TMEM114: variants seen among roughly 807,000 people sequenced by gnomAD.
TMEM114 encodes claudin-26.
TMEM114 carries 6 observed loss-of-function variants against 6.2 expected under a neutral mutation model. The ratio of observed to expected loss-of-function variants is 0.97; its 90% CI spans 0.53 to 1.91. The LOEUF (loss-of-function observed/expected upper bound fraction) is 1.91, where lower values mean the gene tolerates loss of function less well. Ranked by LOEUF, TMEM114 falls within the 40% of genes most tolerant of loss-of-function variation. TMEM114 has a pLI of 0.01. For synonymous variants in TMEM114, 104 were observed against 73.0 expected, an observed-to-expected ratio of 1.42 and a Z score of -2.16; for missense variants, 218 against 158.3, an observed-to-expected ratio of 1.38 and a Z score of -2.02.
intron 2 of TMEM114, among the ~76,000 whole-genome samples, chr16:8,588,340 C>A (rs1902379606): frequency 6.6e-6 from 1 of 151,604 alleles, no homozygotes; most frequent in Admixed American, 6.6e-5. Context: ...ACTCAGTCTT[C>A]ATTTCCTCAT....
chr16:8,563,358 TGAGG>T (rs1268897203), intron 2 of TMEM114, among the ~76,000 whole-genome samples: 5 of 147,218 alleles, frequency 3.4e-5, no homozygotes, highest in South Asian at 2.2e-4. Flanking sequence ...AATGAGTGAG[TGAGG>T]GAGGGAGGGA....
downstream of TMEM114, among the ~76,000 whole-genome samples, chr16:8,566,686 A>G (rs531385540): frequency 1.3e-5 from 2 of 152,012 alleles, no homozygotes; most frequent in African/African-American, 4.8e-5. Flanking sequence ...ATTTCTCTCC[A>G]TCAACCCTCC....
At chr16:8,559,728 G>A (rs1901138361) in intron 2 of TMEM114, among the ~76,000 whole-genome samples, 2 of 148,390 alleles carry the variant, frequency 1.3e-5, no homozygotes, top group South Asian at 4.2e-4. Flanking sequence ...CTCACAAGGA[G>A]AAGGTGGCTG....
Position 8,589,626 on chromosome 16 carries a change from G to A in TMEM114, c.213C>T (p.Thr71=), listed in dbSNP as rs1371555721. The change falls in exon 1 of 4, where the codon ACC becomes ACT. Residue 71 remains threonine, a synonymous_variant. Transcript: ENST00000620492. The part of the protein sequence containing the change: ...PLSSHSGLWR[T]CRVQSPCTPL... The stretch of plus-strand genomic sequence containing the variant: ...CACGGGGTGCACCCTTACCCCGGCA[G>A]GTCCGCCAGAGGCCGGAGTGGGAGC... 7.5e-6 allele frequency: 3 copies of A among 398,438 alleles called. No homozygotes were observed. The allele number at this position is 398,438 out of a possible 1,614,324, so 24.7% of individuals were successfully genotyped here. A position where few individuals can be genotyped will look rare whatever the true frequency, so the allele number is the denominator to read the frequency against.
intron 1 of TMEM114, 99 bp downstream of exon 1, chr16:8,589,520 G>C: frequency 2.5e-6 from 1 of 398,310 alleles, no homozygotes; most frequent in East Asian, 3.6e-5. Context: ...TTAGGGACTT[G>C]GGGGAGGAGT....
chr16:8,568,026 A>G (rs1309838291), downstream of TMEM114, among the ~76,000 whole-genome samples: 1 of 152,188 alleles, frequency 6.6e-6, no homozygotes, highest in Non-Finnish European at 1.5e-5. Flanking sequence ...AAAGAAGTGC[A>G]GGCGTTGGTG....
the TMEM114 span, among the ~76,000 whole-genome samples, chr16:8,530,843 G>A: frequency 2.0e-5 from 3 of 152,090 alleles, no homozygotes; most frequent in Admixed American, 6.5e-5. Context: ...GGCCAACACA[G>A]AGAAACCCCC....
downstream of TMEM114, among the ~76,000 whole-genome samples, chr16:8,565,376 T>G (rs1042469891): frequency 3.3e-5 from 5 of 152,164 alleles, no homozygotes; most frequent in African/African-American, 7.2e-5. Flanking sequence ...AGTGAATAAA[T>G]GAATGGATCT....
intron 2 of TMEM114, among the ~76,000 whole-genome samples, chr16:8,547,012 A>G (rs1196214911): frequency 6.6e-6 from 1 of 152,226 alleles, no homozygotes; most frequent in East Asian, 1.9e-4. Context: ...TACATAAAAT[A>G]CTTGTATGTA....
chr16:8,549,364 G>T (rs1053685994), intron 2 of TMEM114, among the ~76,000 whole-genome samples: 1 of 151,742 alleles, frequency 6.6e-6, no homozygotes, highest in Non-Finnish European at 1.5e-5. Context: ...GCCCGAAGTG[G>T]TGGTGGGCAC....
At chr16:8,540,145 A>G (rs1900474938) in intron 2 of TMEM114, among the ~76,000 whole-genome samples, 1 of 152,204 alleles carries the variant, frequency 6.6e-6, no homozygotes, top group African/African-American at 2.4e-5. Flanking sequence ...ATTTAATAAT[A>G]AGAATGTATT....
chr16:8,557,476 G>A (rs532511580), intron 2 of TMEM114, among the ~76,000 whole-genome samples: 1 of 152,292 alleles, frequency 6.6e-6, no homozygotes, highest in East Asian at 1.9e-4. Context: ...CTGCATGAAA[G>A]AGGACAAACC....
chr16:8,576,338 G>T (rs1901929042), intron 2 of TMEM114, among the ~76,000 whole-genome samples: 1 of 152,152 alleles, frequency 6.6e-6, no homozygotes, highest in Non-Finnish European at 1.5e-5. Flanking sequence ...CCCCATCAAA[G>T]CCCGAATCCC....
At chr16:8,550,903 G>C (rs542608178) in intron 2 of TMEM114, among the ~76,000 whole-genome samples, 1 of 152,274 alleles carries the variant, frequency 6.6e-6, no homozygotes, top group Admixed American at 6.5e-5. Context: ...GAGAACCGCA[G>C]TAGAAGACTG....
downstream of TMEM114, among the ~76,000 whole-genome samples, chr16:8,568,216 C>T (rs533337272): frequency 4.1e-4 from 62 of 152,276 alleles, no homozygotes; most frequent in African/African-American, 1.3e-3. Context: ...TTTCATATGC[C>T]TCTCTCTCCT....
chr16:8,528,047 C>G, the TMEM114 span, among the ~76,000 whole-genome samples: 1 of 152,096 alleles, frequency 6.6e-6, no homozygotes, highest in East Asian at 1.9e-4. Flanking sequence ...TAGCTGGGAT[C>G]ACAGGCATGT....
At chr16:8,543,210 C>A (rs752146969) in intron 2 of TMEM114, among the ~76,000 whole-genome samples, 4 of 152,302 alleles carry the variant, frequency 2.6e-5, no homozygotes, top group Non-Finnish European at 4.4e-5. Context: ...CAATGGGGGA[C>A]TAAGGAGAGA....
chr16:8,581,702 C>T (rs1416242037), intron 2 of TMEM114, among the ~76,000 whole-genome samples: 1 of 152,278 alleles, frequency 6.6e-6, no homozygotes, highest in Non-Finnish European at 1.5e-5. Flanking sequence ...GATCCGCCCA[C>T]CTTGGCCTCC....
intron 2 of TMEM114, among the ~76,000 whole-genome samples, chr16:8,559,102 G>A (rs1052884949): frequency 6.6e-6 from 1 of 151,994 alleles, no homozygotes; most frequent in South Asian, 2.1e-4. Context: ...GAGTGCAGTG[G>A]CATGATCTCG....
Sources: gnomAD v4.1 joint callset for allele counts (sites outside exome capture counted in the v4.1 genomes callset) on GRCh38, gnomAD v4.1.1 for gene constraint, MANE v1.5 for transcripts, NCBI Gene and HGNC (gene_info 2026-07-23, HGNC 2026-07-21) for gene names.